Variants in FANCI observed in about 807,000 individuals in gnomAD.
The protein encoded by FANCI is Fanconi anemia group I protein.
Under a neutral mutation model 176.1 loss-of-function variants are expected in FANCI, and 156 were observed. The ratio of observed to expected loss-of-function variants is 0.89; its 90% CI spans 0.78 to 1.01. The LOEUF is 1.01. FANCI is among the 50% of genes least tolerant of loss of function. The pLI is 0.00. For synonymous variants in FANCI, 613 were observed against 541.7 expected, an observed-to-expected ratio of 1.13 and a Z score of -1.83; for missense variants, 1,678 against 1,534.1, an observed-to-expected ratio of 1.09 and a Z score of -1.57.
At chr15:89,315,721 A>G (rs2055210288) in intron 37 of FANCI, among the ~76,000 whole-genome samples, 1 of 152,160 alleles carries the variant, frequency 6.6e-6, no homozygotes, top group African/African-American at 2.4e-5. Flanking sequence ...TTTACCTCTC[A>G]TGTCATGCCC....
rs756905161 is a variant in FANCI, at chr15:89,264,008, T to G, written c.651T>G (p.Leu217=). The G allele has an allele frequency of 1.2e-6, 2 of 1,614,098 alleles. No homozygotes were observed. Among genetic ancestry groups the G allele is most frequent in the Admixed American group, 1.7e-5 (1 of 60,032 alleles). ...AAATACCACCTTTGGTCTATCAGCT[T>G]CTGGTTCTCTCCTCCAAGGTACAAA... The part of the protein sequence containing the change: ...LQEIPPLVYQ[L]LVLSSKGSRK... The change falls in exon 8 of 38, where the codon CTT becomes CTG. Residue 217 remains leucine, a synonymous_variant. Coordinates refer to ENST00000310775, the MANE Select transcript of FANCI (RefSeq NM_001113378.2).
At chr15:89,310,446 A>G (rs901342725) in intron 34 of FANCI, among the ~76,000 whole-genome samples, 1 of 152,182 alleles carries the variant, frequency 6.6e-6, no homozygotes, top group Admixed American at 6.5e-5. Flanking sequence ...AATCACTACT[A>G]CTTCCTAGAC....
chr15:89,314,729 G>T, intron 36 of FANCI, 22 bp downstream of exon 36: 1 of 1,538,364 alleles, frequency 6.5e-7, no homozygotes, highest in Non-Finnish European at 9.0e-7. Flanking sequence ...CTTATTATGT[G>T]CTACCATTCC....
At position 89,299,979 on chromosome 15, in the gene FANCI, G is replaced by T. The variant is rs957716597; in HGVS notation, c.2803+13G>T. ...CTCAGAGCTCTGGGTAAGCATTGCA[G>T]TATCAATAAATAGGCTTGATTTAGG... On this transcript the variant is annotated intron_variant, in intron 25 of 37. Coordinates refer to ENST00000310775, the MANE Select transcript of FANCI (RefSeq NM_001113378.2). 6.2e-7 allele frequency: 1 copy of T among 1,613,640 alleles called. No homozygotes were observed. Among genetic ancestry groups the T allele is most frequent in the Non-Finnish European group, 8.5e-7 (1 of 1,179,754 alleles).
chr15:89,288,664 G>T (rs148154092), intron 18 of FANCI, among the ~76,000 whole-genome samples: 263 of 148,866 alleles, frequency 1.8e-3, no homozygotes, highest in African/African-American at 6.1e-3. Context: ...CTGTTATCCA[G>T]GCTGGAGTGC....
intron 10 of FANCI, among the ~76,000 whole-genome samples, chr15:89,270,628 G>C (rs984052330): frequency 2.0e-5 from 3 of 151,774 alleles, no homozygotes; most frequent in Non-Finnish European, 4.4e-5. Context: ...TCTGTAAAAA[G>C]AGCCTCTCCT....
chr15:89,302,744 T>C (rs574130414), intron 27 of FANCI, among the ~76,000 whole-genome samples: 10 of 152,154 alleles, frequency 6.6e-5, no homozygotes, highest in Middle Eastern at 3.4e-3. Flanking sequence ...CGGCTAATTT[T>C]TTGTATTTTT....
chr15:89,312,340 G>C (rs1254655402), intron 34 of FANCI, among the ~76,000 whole-genome samples: 1 of 152,134 alleles, frequency 6.6e-6, no homozygotes, highest in African/African-American at 2.4e-5. Flanking sequence ...TAATAGTCCT[G>C]CCTTCAACTT....
At chr15:89,270,148 A>G (rs1308573440) in intron 10 of FANCI, among the ~76,000 whole-genome samples, 1 of 152,116 alleles carries the variant, frequency 6.6e-6, no homozygotes, top group African/African-American at 2.4e-5. Context: ...ATTTAAAACC[A>G]TAAAAACCAG....
chr15:89,260,922 G>A (rs1336513141), intron 4 of FANCI, 79 bp downstream of exon 4: 1 of 1,546,536 alleles, frequency 6.5e-7, no homozygotes, highest in Non-Finnish European at 8.9e-7. Flanking sequence ...GAAAACTTAA[G>A]TGCCCAACCT....
intron 2 of FANCI, among the ~76,000 whole-genome samples, chr15:89,250,128 C>G (rs1290285270): frequency 6.6e-6 from 1 of 152,178 alleles, no homozygotes; most frequent in Non-Finnish European, 1.5e-5. Flanking sequence ...TTGTGGAAGA[C>G]AGTGTGGCGA....
intron 2 of FANCI, among the ~76,000 whole-genome samples, chr15:89,256,553 C>T (rs2052503358): frequency 1.3e-5 from 2 of 152,090 alleles, no homozygotes; most frequent in African/African-American, 4.8e-5. Flanking sequence ...ATTGACTTCA[C>T]TTTCTCCATT....
chr15:89,283,982 C>T (rs572033974), intron 17 of FANCI, among the ~76,000 whole-genome samples: 10 of 152,026 alleles, frequency 6.6e-5, no homozygotes, highest in African/African-American at 2.2e-4. Context: ...CAGGAGGTCT[C>T]GATCTCCTGA....
chr15:89,260,901 G>T lies in FANCI; in HGVS notation c.288+58G>T, dbSNP rs555585947. The T allele has an allele frequency of 1.1e-5, 18 of 1,600,266 alleles. No individual in the cohort carries two copies. In the African/African-American group the frequency reaches 2.3e-4, roughly 20 times the overall value. On this transcript the variant is annotated intron_variant, in intron 4 of 37. Transcript: ENST00000310775. ...GTAGGTTTTTGAGGGTTTGTAATTT[G>T]TTGAGGGAAGGAAAACTTAAGTGCC...
At chr15:89,314,480 A>ATAGAAG in intron 35 of FANCI, 132 bp from the exon 36 acceptor site, 1 of 716,406 alleles carries the variant, frequency 1.4e-6, no homozygotes, top group Non-Finnish European at 2.5e-6. Flanking sequence ...GATTACTGGT[A>ATAGAAG]TACAACTGCA....
intron 18 of FANCI, among the ~76,000 whole-genome samples, chr15:89,288,616 A>G (rs1596298305): frequency 7.4e-6 from 1 of 135,938 alleles, no homozygotes; most frequent in Non-Finnish European, 1.6e-5. Context: ...GATGTCTTCT[A>G]TTACTTTTTT....
intron 10 of FANCI, 68 bp from the exon 11 acceptor site, chr15:89,273,309 T>G (rs1185743102): frequency 6.6e-6 from 5 of 752,746 alleles, no homozygotes; most frequent in Non-Finnish European, 8.8e-6. Flanking sequence ...CTTTTTTTTT[T>G]TAAAAAAAAA....
At chr15:89,261,489 C>G in intron 4 of FANCI, 96 bp from the exon 5 acceptor site, 1 of 1,474,854 alleles carries the variant, frequency 6.8e-7, no homozygotes, top group African/African-American at 1.4e-5. Context: ...GGATCTCGGT[C>G]AATTCATTTA....
chr15:89,286,485 T>C (rs1233197726), intron 18 of FANCI, among the ~76,000 whole-genome samples: 1 of 152,222 alleles, frequency 6.6e-6, no homozygotes, highest in Non-Finnish European at 1.5e-5. Context: ...TTCATCTTTC[T>C]GTACATTTCC....
Sources: allele counts gnomAD v4.1 joint callset (sites outside exome capture counted in the v4.1 genomes callset), GRCh38; gene constraint gnomAD v4.1.1; transcripts MANE v1.5; gene names NCBI Gene and HGNC (gene_info 2026-07-23, HGNC 2026-07-21).